PLCB1: variants seen among roughly 807,000 people sequenced by gnomAD.
The protein encoded by PLCB1 is 1-phosphatidylinositol 4,5-bisphosphate phosphodiesterase beta-1.
A neutral mutation model predicts 161.8 loss-of-function variants in PLCB1; 46 were observed. That is an observed-to-expected ratio of 0.28 (90% confidence interval 0.22 to 0.36). The LOEUF is 0.36. Ranked by LOEUF, PLCB1 falls within the 10% of genes least tolerant of loss-of-function variation. PLCB1 has a pLI of 1.00. For synonymous variants in PLCB1, 517 were observed against 503.7 expected, an observed-to-expected ratio of 1.03 and a Z score of -0.35; for missense variants, 1,016 against 1,472.5, an observed-to-expected ratio of 0.69 and a Z score of 5.07.
At chr20:8,854,216 C>T (rs1345166980) in intron 31 of PLCB1, among the ~76,000 whole-genome samples, 1 of 152,162 alleles carries the variant, frequency 6.6e-6, no homozygotes, top group Non-Finnish European at 1.5e-5. Context: ...GTTGCTGAAA[C>T]TACCACCCAA....
intron 2 of PLCB1, among the ~76,000 whole-genome samples, chr20:8,177,112 T>TC (rs1430200193): frequency 6.6e-6 from 1 of 151,726 alleles, no homozygotes; most frequent in East Asian, 1.9e-4. Context: ...TATGTTTTTG[T>TC]CCCCCCAAAA....
chr20:8,238,914 G>A (rs1055990251), intron 2 of PLCB1, among the ~76,000 whole-genome samples: 1 of 151,798 alleles, frequency 6.6e-6, no homozygotes, highest in South Asian at 2.1e-4. Context: ...GGCCTGGGGA[G>A]GAATGGAAGA....
At position 8,572,031 on chromosome 20, in the gene PLCB1, A is replaced by G. The variant is rs531702913; in HGVS notation, c.247-56263A>G. On this transcript the variant is annotated intron_variant, in intron 3 of 31. Coordinates refer to ENST00000338037, the MANE Select transcript of PLCB1 (RefSeq NM_015192.4). Reference sequence around the variant, plus strand: ...TACTATTTAATGTCATTCTAAGTAAAAAAAAATTAAAATTGTTTATTACGA... The same window carrying G: ...TACTATTTAATGTCATTCTAAGTAAGAAAAAATTAAAATTGTTTATTACGA... Among the ~76,000 whole-genome samples the G allele has an allele frequency of 6.9e-4, 105 of 152,322 alleles. 1 individual carries two copies. The highest frequency in any genetic ancestry group is 2.3e-3 in the African/African-American group (97 of 41,568).
Position 8,729,335 on chromosome 20 carries a change from T to G in PLCB1, c.1888+161T>G, listed in dbSNP as rs1214970290. On this transcript the variant is annotated intron_variant, in intron 18 of 31. Coordinates refer to ENST00000338037, the MANE Select transcript of PLCB1 (RefSeq NM_015192.4). ...AATATCAATGCATAAAAAAAGTGAA[T>G]TTTGAAAATCGAGACATGTTCTTCA... is the stretch of plus-strand genomic sequence containing the variant. 1.7e-5 allele frequency: 8 copies of G among 478,018 alleles called. No homozygotes were observed. In the East Asian group the frequency reaches 2.7e-4, roughly 16 times the overall value. The allele number at this position is 478,018 out of a possible 1,614,324, so 29.6% of individuals were successfully genotyped here.
chr20:8,371,136 G>A (rs760495997), intron 2 of PLCB1: 1 of 448,228 alleles, frequency 2.2e-6, no homozygotes, highest in Non-Finnish European at 4.0e-6. Flanking sequence ...TGGCTTGTAG[G>A]ATAGACTGGG....
At chr20:8,588,721 C>T (rs1159639980) in intron 3 of PLCB1, among the ~76,000 whole-genome samples, 2 of 152,302 alleles carry the variant, frequency 1.3e-5, no homozygotes, top group African/African-American at 2.4e-5. Flanking sequence ...TGATTTTTGA[C>T]TTCCAGCCTC....
intron 3 of PLCB1, among the ~76,000 whole-genome samples, chr20:8,553,759 G>T (rs1011064556): frequency 6.6e-6 from 1 of 152,046 alleles, no homozygotes; most frequent in Non-Finnish European, 1.5e-5. Context: ...CTAGCACTTT[G>T]GGAGGCTGAG....
intron 2 of PLCB1, among the ~76,000 whole-genome samples, chr20:8,228,780 TATA>T (rs992980723): frequency 6.6e-6 from 1 of 152,136 alleles, no homozygotes; most frequent in Admixed American, 6.6e-5. Context: ...TTAATTGGCA[TATA>T]ATAATTGTAC....
intron 2 of PLCB1, among the ~76,000 whole-genome samples, chr20:8,279,221 C>T (rs969172769): frequency 6.6e-6 from 1 of 152,096 alleles, no homozygotes. Context: ...CCTAGCAAAA[C>T]TATTCACAAT....
intron 2 of PLCB1, among the ~76,000 whole-genome samples, chr20:8,274,087 T>G (rs1568613644): frequency 6.6e-6 from 1 of 152,198 alleles, no homozygotes; most frequent in African/African-American, 2.4e-5. Flanking sequence ...GAAAAACTCA[T>G]TTTAAATCAT....
intron 3 of PLCB1, among the ~76,000 whole-genome samples, chr20:8,445,949 C>T (rs149381743): frequency 0.018 from 2,671 of 152,224 alleles, 79 homozygotes; most frequent in African/African-American, 0.061. Context: ...CAGGACCAGA[C>T]GGATTCACAG....
At chr20:8,586,362 T>C in intron 3 of PLCB1, among the ~76,000 whole-genome samples, 1 of 152,134 alleles carries the variant, frequency 6.6e-6, no homozygotes, top group East Asian at 1.9e-4. Flanking sequence ...TATGGTTTTT[T>C]TTTTTGCCTA....
chr20:8,869,918 T>A (rs1312852144), intron 31 of PLCB1, among the ~76,000 whole-genome samples: 1 of 152,194 alleles, frequency 6.6e-6, no homozygotes, highest in Non-Finnish European at 1.5e-5. Context: ...CTTTTCCTTG[T>A]GTTAAATCTT....
intron 3 of PLCB1, among the ~76,000 whole-genome samples, chr20:8,512,142 C>A (rs1983916461): frequency 6.6e-6 from 1 of 152,136 alleles, no homozygotes; most frequent in Non-Finnish European, 1.5e-5. Flanking sequence ...GCTATTCATT[C>A]TTTTCGCATT....
chr20:8,813,455 AT>A lies in PLCB1; in HGVS notation c.3423+23197del, dbSNP rs200929079. Among the ~76,000 whole-genome samples the A allele has an allele frequency of 4.4e-4, 67 of 152,302 alleles. 1 individual carries two copies. In the East Asian group the frequency reaches 0.011, roughly 25 times the overall value. ...ACTGAGACCAGCTCTAAAGTAAACT[AT>A]TTCACCACACTCAAAGAAGACCCAA... is the stretch of plus-strand genomic sequence containing the variant. On this transcript the variant is annotated intron_variant, in intron 31 of 31. Transcript: ENST00000338037.
intron 3 of PLCB1, among the ~76,000 whole-genome samples, chr20:8,445,844 TG>T (rs1980798047): frequency 6.6e-6 from 1 of 152,128 alleles, no homozygotes; most frequent in South Asian, 2.1e-4. Context: ...TTTGGCTCTC[TG>T]TTTGTCTGTT....
intron 15 of PLCB1, among the ~76,000 whole-genome samples, chr20:8,723,048 A>T (rs896686875): frequency 1.3e-5 from 2 of 152,186 alleles, no homozygotes; most frequent in Admixed American, 1.3e-4. Flanking sequence ...TAAAGTTTAT[A>T]TTGAATCTGC....
At chr20:8,461,894 ACT>A (rs1419472436) in intron 3 of PLCB1, among the ~76,000 whole-genome samples, 1 of 152,030 alleles carries the variant, frequency 6.6e-6, no homozygotes, top group Non-Finnish European at 1.5e-5. Flanking sequence ...AAATTTCATA[ACT>A]CTATCTCATC....
At chr20:8,157,154 G>A (rs2051571034) in intron 2 of PLCB1, among the ~76,000 whole-genome samples, 1 of 152,142 alleles carries the variant, frequency 6.6e-6, no homozygotes, top group Non-Finnish European at 1.5e-5. Context: ...AGGATTTATT[G>A]TTTAAAAGAC....
Sources: gnomAD v4.1 joint callset for allele counts (sites outside exome capture counted in the v4.1 genomes callset) on GRCh38, gnomAD v4.1.1 for gene constraint, MANE v1.5 for transcripts, NCBI Gene and HGNC (gene_info 2026-07-23, HGNC 2026-07-21) for gene names.